Variants in RYR2 observed in about 807,000 individuals in gnomAD.
RYR2 encodes ryanodine receptor 2.
A neutral mutation model predicts 601.1 loss-of-function variants in RYR2; 227 were observed. The observed-to-expected ratio is 0.38, with a 90% CI of 0.34 to 0.42. The LOEUF (loss-of-function observed/expected upper bound fraction) is 0.42. Among genes scored for constraint, RYR2 ranks in the 10% least tolerant of loss-of-function variants. RYR2 has a pLI of 1.00. For missense variants in RYR2, 4,646 were observed against 6,156.5 expected (o/e 0.75, Z 8.21); for synonymous variants, 2,223 against 2,175.1 (o/e 1.02, Z -0.61).
Position 237,084,675 on chromosome 1 carries a change from T to G in RYR2, c.48+42106T>G, listed in dbSNP as rs143116000. On this transcript the variant is annotated intron_variant, in intron 1 of 104. Coordinates refer to ENST00000366574, the MANE Select transcript of RYR2 (RefSeq NM_001035.3). ...TCCCAGCTGCATTTCCTTGGTGCCT[T>G]CACTGTTCCCAGTGTCACTGGTTAG... 6.2e-4 allele frequency among the ~76,000 whole-genome samples: 94 copies of G among 152,346 alleles called. 1 individual carries two copies. The East Asian group carries it at 9.8e-3, about 16-fold the overall frequency.
At chr1:237,159,313 T>C (rs891633902) in intron 1 of RYR2, among the ~76,000 whole-genome samples, 2 of 151,804 alleles carry the variant, frequency 1.3e-5, no homozygotes, top group African/African-American at 2.4e-5. Flanking sequence ...ATAATAATAA[T>C]GAGTAAAAGC....
intron 1 of RYR2, among the ~76,000 whole-genome samples, chr1:237,199,243 C>T (rs758417887): frequency 6.6e-6 from 1 of 152,166 alleles, no homozygotes; most frequent in Non-Finnish European, 1.5e-5. Flanking sequence ...CTGACTCATA[C>T]GATCACAAGG....
chr1:237,593,041 A>G (rs1328801502), intron 32 of RYR2, among the ~76,000 whole-genome samples: 8 of 149,828 alleles, frequency 5.3e-5, no homozygotes, highest in Admixed American at 1.3e-4. Context: ...AAAAAAAGTG[A>G]ACATAGATTT....
Position 237,432,203 on chromosome 1 carries a change from C to CTTT in RYR2, c.1005+8960_1005+8962dup, listed in dbSNP as rs61707333. Among the ~76,000 whole-genome samples the CTTT allele has an allele frequency of 1.5e-4, 23 of 149,454 alleles. 1 individual carries two copies. The highest frequency in any genetic ancestry group is 8.5e-4 in the South Asian group (4 of 4,694). On this transcript the variant is annotated intron_variant, in intron 12 of 104. Coordinates refer to ENST00000366574, the MANE Select transcript of RYR2 (RefSeq NM_001035.3). ...TGTATCCCAGAGCAATGACTTTAGGCTTTTTTTAAAAAAAAATGCCTTTTA... is the reference window on the plus strand; with the variant it reads ...TGTATCCCAGAGCAATGACTTTAGGCTTTTTTTTTTAAAAAAAAATGCCTTTTA...
At chr1:237,407,003 C>T (rs1703966912) in intron 10 of RYR2, among the ~76,000 whole-genome samples, 1 of 152,142 alleles carries the variant, frequency 6.6e-6, no homozygotes. Flanking sequence ...TCCTTCTTCC[C>T]TCCCCTGAAC....
chr1:237,829,680 G>A (rs565243036), intron 102 of RYR2, among the ~76,000 whole-genome samples: 31 of 152,310 alleles, frequency 2.0e-4, no homozygotes, highest in African/African-American at 7.0e-4. Flanking sequence ...AAGGCAGGAA[G>A]AATTTTATAC....
At chr1:237,525,878 A>C (rs953466555) in intron 24 of RYR2, among the ~76,000 whole-genome samples, 2 of 151,854 alleles carry the variant, frequency 1.3e-5, no homozygotes, top group Non-Finnish European at 2.9e-5. Flanking sequence ...TACTTTGGAG[A>C]CTGGGGCAGT....
Position 237,253,350 on chromosome 1 carries a change from G to A in RYR2, c.49-17147G>A, listed in dbSNP as rs1687660011. On this transcript the variant is annotated intron_variant, in intron 1 of 104. Coordinates refer to ENST00000366574, the MANE Select transcript of RYR2 (RefSeq NM_001035.3). ...TGCTGGAAAAAGGACTTCAGAACCT[G>A]GTTCTGATTTGGCTTCAGTGGGCTC... 2.0e-5 allele frequency among the ~76,000 whole-genome samples: 3 copies of A among 152,164 alleles called. No homozygotes were observed. In the South Asian group the frequency reaches 6.2e-4, roughly 31 times the overall value.
At chr1:237,520,398 A>G (rs1055659494) in intron 24 of RYR2, among the ~76,000 whole-genome samples, 4 of 152,160 alleles carry the variant, frequency 2.6e-5, no homozygotes, top group African/African-American at 9.7e-5. Flanking sequence ...TTACAGGGAA[A>G]GTTTTCAACT....
At chr1:237,308,673 C>T (rs952778207) in intron 2 of RYR2, among the ~76,000 whole-genome samples, 3 of 152,156 alleles carry the variant, frequency 2.0e-5, no homozygotes, top group Non-Finnish European at 4.4e-5. Flanking sequence ...AGCTGAGGAC[C>T]TTAGCGGTGA....
chr1:237,173,873 G>T (rs561148494), intron 1 of RYR2, among the ~76,000 whole-genome samples: 176 of 152,218 alleles, frequency 1.2e-3, no homozygotes, highest in Non-Finnish European at 1.9e-3. Flanking sequence ...TGGCTAACAT[G>T]GTGAAGCCCC....
Position 237,715,337 on chromosome 1 carries a change from G to A in RYR2, c.10324-1861G>A, listed in dbSNP as rs144794275. 3.0e-3 allele frequency among the ~76,000 whole-genome samples: 462 copies of A among 152,254 alleles called. 2 individuals are homozygous for A. The highest frequency in any genetic ancestry group is 0.014 in the Middle Eastern group (4 of 294). On this transcript the variant is annotated intron_variant, in intron 71 of 104. Coordinates refer to ENST00000366574, the MANE Select transcript of RYR2 (RefSeq NM_001035.3). Reference sequence around the variant, plus strand: ...TGAACAAAAAATACCCAATATGTGCGTACAGGAGGATATTTTATTGCTTAT... The same window carrying A: ...TGAACAAAAAATACCCAATATGTGCATACAGGAGGATATTTTATTGCTTAT...
chr1:237,244,020 G>T (rs1173483053), intron 1 of RYR2, among the ~76,000 whole-genome samples: 1 of 152,060 alleles, frequency 6.6e-6, no homozygotes, highest in East Asian at 1.9e-4. Context: ...AAGATGGGAG[G>T]TATCGGTCAC....
chr1:237,287,337 G>A (rs1558559459), intron 2 of RYR2, among the ~76,000 whole-genome samples: 1 of 152,172 alleles, frequency 6.6e-6, no homozygotes, highest in African/African-American at 2.4e-5. Flanking sequence ...TTATGCTTCT[G>A]TATTTGGATG....
Position 237,548,333 on chromosome 1 carries a change from T to C in RYR2, c.2907-98T>C, listed in dbSNP as rs960982212. 3.8e-6 allele frequency: 5 copies of C among 1,304,978 alleles called. No homozygotes were observed. In the African/African-American group the frequency reaches 7.3e-5, roughly 19 times the overall value. 80.8% of individuals were successfully genotyped at this position (1,304,978 alleles called of 1,614,324 possible). A position where few individuals can be genotyped will look rare whatever the true frequency, so the allele number is the denominator to read the frequency against. ...CACCACTGGTTACCACTGTGGTTTA[T>C]GGAAGAACAGTAATGAGGTAGGGCC... is the stretch of plus-strand genomic sequence containing the variant. On this transcript the variant is annotated intron_variant, in intron 25 of 104. Coordinates refer to ENST00000366574, the MANE Select transcript of RYR2 (RefSeq NM_001035.3).
At chr1:237,541,888 T>C (rs988359135) in intron 25 of RYR2, among the ~76,000 whole-genome samples, 1 of 152,106 alleles carries the variant, frequency 6.6e-6, no homozygotes, top group Non-Finnish European at 1.5e-5. Flanking sequence ...ACTTCTTTTG[T>C]GGTGGAATGT....
intron 16 of RYR2, among the ~76,000 whole-genome samples, chr1:237,463,399 AT>A (rs988086602): frequency 1.3e-5 from 2 of 152,108 alleles, no homozygotes; most frequent in African/African-American, 4.8e-5. Context: ...TAAGTCTCAG[AT>A]TTTTTTAGTC....
rs183911939 is a variant in RYR2 at position 237,723,184 on chromosome 1, G to A, written c.10611G>A (p.Arg3537=). The change falls in exon 74 of 105, where the codon AGG becomes AGA. Residue 3537 remains arginine (R), a synonymous_variant. Transcript: ENST00000366574. Reference sequence around the variant, plus strand: ...CTCTTTACAAAGACTTACCAAACAGGACTGATGATACCTCAGATCCAGAGA... The same window carrying A: ...CTCTTTACAAAGACTTACCAAACAGAACTGATGATACCTCAGATCCAGAGA... ...QMALYKDLPN[R]TDDTSDPEKT... 1 of 1,611,342 alleles carries A rather than the reference G, an allele frequency of 6.2e-7. No homozygotes were observed. The highest frequency in any genetic ancestry group is 1.7e-5 in the Admixed American group (1 of 59,998).
At chr1:237,591,941 T>G in intron 32 of RYR2, 88 bp downstream of exon 32, 1 of 887,408 alleles carries the variant, frequency 1.1e-6, no homozygotes, top group Non-Finnish European at 1.7e-6. Flanking sequence ...TCATCATACT[T>G]AGTAACATTA....
Sources: allele counts gnomAD v4.1 joint callset (sites outside exome capture counted in the v4.1 genomes callset), GRCh38; gene constraint gnomAD v4.1.1; transcripts MANE v1.5; gene names NCBI Gene and HGNC (gene_info 2026-07-23, HGNC 2026-07-21).